Variants in ARAP2 observed in about 807,000 individuals in gnomAD.
ARAP2 encodes the protein ArfGAP with RhoGAP domain, ankyrin repeat and PH domain 2, also known as arf-GAP with Rho-GAP domain, ANK repeat and PH domain-containing protein 2.
In ARAP2, 148 loss-of-function variants were observed where a neutral mutation model predicts 194.5. The observed-to-expected ratio is 0.76, with a 90% CI of 0.67 to 0.87. ARAP2 has a LOEUF of 0.87. ARAP2 is among the 40% of genes least tolerant of loss of function. The pLI, the probability that ARAP2 is intolerant of heterozygous loss-of-function variation, is 0.00. For synonymous variants in ARAP2, 695 were observed against 683.5 expected (o/e 1.02, Z -0.26); for missense variants, 2,128 against 1,989.7 (o/e 1.07, Z -1.32).
chr4:36,184,362 T>TA (rs1169458695), intron 8 of ARAP2, among the ~76,000 whole-genome samples: 1 of 152,144 alleles, frequency 6.6e-6, no homozygotes, highest in Admixed American at 6.5e-5. Flanking sequence ...AAAGAACTTT[T>TA]AATCAAAATA....
At chr4:36,100,167 A>C (rs974309350) in intron 27 of ARAP2, among the ~76,000 whole-genome samples, 2 of 152,084 alleles carry the variant, frequency 1.3e-5, no homozygotes, top group African/African-American at 4.8e-5. Context: ...TCCATTTGTA[A>C]GTAGCAGTAA....
intron 27 of ARAP2, among the ~76,000 whole-genome samples, chr4:36,107,031 T>C (rs1718599669): frequency 1.3e-5 from 2 of 152,022 alleles, no homozygotes; most frequent in Non-Finnish European, 2.9e-5. Flanking sequence ...TATAGTTCAC[T>C]GTGCTAGCTA....
rs761729402 is a variant in ARAP2, at chr4:36,147,338, T to G, written c.3221A>C (p.Asn1074Thr). 6.2e-7 allele frequency: 1 copy of G among 1,612,920 alleles called. No individual in the cohort carries two copies. The highest frequency in any genetic ancestry group is 1.7e-5 in the Admixed American group (1 of 59,942). The stretch of plus-strand genomic sequence containing the variant: ...GAGTAAAACATCCAGTTTTTCCCCA[T>G]TTTGAACCATTGTGCTGATTGCTGA... Reference protein sequence around the residue: ...QELTISTMVQNGEKLDVLLLV... With the variant: ...QELTISTMVQTGEKLDVLLLV... Residue 1074 changes from asparagine (N) to threonine (T), a missense_variant, in exon 19 of 33, where the codon AAT becomes ACT. By Grantham distance (65) the Asn-to-Thr change is moderately conservative. Transcript: ENST00000303965.
chr4:36,119,626 A>G, intron 24 of ARAP2, 24 bp downstream of exon 24: 1 of 1,501,438 alleles, frequency 6.7e-7, no homozygotes, highest in Non-Finnish European at 9.2e-7. Flanking sequence ...TTAATTATTT[A>G]GAGATCTAAC....
At chr4:36,020,041 A>T (rs1716634229) in intron 5 of ARAP2, among the ~76,000 whole-genome samples, 1 of 152,210 alleles carries the variant, frequency 6.6e-6, no homozygotes, top group African/African-American at 2.4e-5. Context: ...ATATGCCAGC[A>T]TCACTATTCT....
intron 2 of ARAP2, among the ~76,000 whole-genome samples, chr4:36,221,321 T>C (rs1424647220): frequency 6.6e-6 from 1 of 152,038 alleles, no homozygotes; most frequent in Non-Finnish European, 1.5e-5. Flanking sequence ...TGCATGTGTA[T>C]ACACACACAC....
At chr4:36,138,385 A>G (rs1003463104) in intron 19 of ARAP2, among the ~76,000 whole-genome samples, 1 of 151,648 alleles carries the variant, frequency 6.6e-6, no homozygotes, top group Non-Finnish European at 1.5e-5. Flanking sequence ...CCCACCCACA[A>G]TCTTAGGCAA....
intron 4 of ARAP2, chr4:36,046,591 A>G (rs2109240125): frequency 6.6e-6 from 1 of 152,316 alleles, no homozygotes; most frequent in South Asian, 2.1e-4. Flanking sequence ...CACAGAAAGA[A>G]TCTATTTTGA....
rs751573912 is a variant in ARAP2, at chr4:36,229,100, G to A, written c.387C>T (p.Asp129=). The A allele has an allele frequency of 9.9e-6, 16 of 1,614,002 alleles. No homozygotes were observed. The highest frequency in any genetic ancestry group is 1.7e-4 in the Middle Eastern group (1 of 6,060). ...QLETVRKNLE[D]SDASVERSQY... ...GGCTTCTTTCCACACTTGCATCACT[G>A]TCTTCAAGATTTTTTCTAACAGTCT... The change falls in exon 2 of 33, where the codon GAC becomes GAT. Residue 129 remains aspartate, a synonymous_variant. Transcript: ENST00000303965.
intron 19 of ARAP2, among the ~76,000 whole-genome samples, chr4:36,142,283 ACT>A (rs1282312491): frequency 3.3e-5 from 5 of 151,416 alleles, no homozygotes; most frequent in Non-Finnish European, 5.9e-5. Flanking sequence ...TCTTGTTTGT[ACT>A]CTCTCTTAGA....
At chr4:36,162,114 A>T (rs954780372) in intron 11 of ARAP2, among the ~76,000 whole-genome samples, 6 of 140,046 alleles carry the variant, frequency 4.3e-5, no homozygotes, top group African/African-American at 8.2e-5. Context: ...TCTCAAAAAA[A>T]AAAAAAAAGA....
chr4:36,073,276 T>C (rs1289395613), intron 32 of ARAP2, among the ~76,000 whole-genome samples: 1 of 152,120 alleles, frequency 6.6e-6, no homozygotes, highest in Admixed American at 6.6e-5. Context: ...AGAGACCCCA[T>C]CAGTTCCCAA....
chr4:36,123,981 T>C (rs913605928), intron 22 of ARAP2, among the ~76,000 whole-genome samples: 1 of 151,852 alleles, frequency 6.6e-6, no homozygotes, highest in African/African-American at 2.4e-5. Flanking sequence ...GCTAAAATTC[T>C]CTATATTAAA....
chr4:36,116,129 C>T (rs1039704269), intron 25 of ARAP2, among the ~76,000 whole-genome samples: 1 of 151,804 alleles, frequency 6.6e-6, no homozygotes, highest in Non-Finnish European at 1.5e-5. Context: ...AAGGCAAATG[C>T]CTCATAAAGA....
intron 6 of ARAP2, among the ~76,000 whole-genome samples, chr4:36,201,689 A>T (rs1744395331): frequency 6.6e-6 from 1 of 152,150 alleles, no homozygotes; most frequent in Admixed American, 6.5e-5. Context: ...GTTTCTTAAA[A>T]ATTATTTTTT....
chr4:36,218,239 T>C (rs1204361994), intron 2 of ARAP2, among the ~76,000 whole-genome samples: 3 of 152,162 alleles, frequency 2.0e-5, no homozygotes, highest in Non-Finnish European at 2.9e-5. Flanking sequence ...ATAGCACATG[T>C]TCTTCCTTGT....
At chr4:36,147,082 A>G (rs1729800888) in intron 19 of ARAP2, among the ~76,000 whole-genome samples, 1 of 152,072 alleles carries the variant, frequency 6.6e-6, no homozygotes, top group Non-Finnish European at 1.5e-5. Flanking sequence ...ATTGATCACA[A>G]TAAGTTTGTC....
At chr4:36,184,928 ACTGTGGACAGTTTTCTGAATTTC>A in intron 8 of ARAP2, among the ~76,000 whole-genome samples, 1 of 152,220 alleles carries the variant, frequency 6.6e-6, no homozygotes, top group Non-Finnish European at 1.5e-5. Flanking sequence ...AAGTATCACA[ACTGTGGACAGTTTTCTGAATTTC>A]AGGCAATAAT....
At chr4:36,191,436 G>C (rs537271011) in intron 7 of ARAP2, among the ~76,000 whole-genome samples, 1 of 151,654 alleles carries the variant, frequency 6.6e-6, no homozygotes, top group South Asian at 2.1e-4. Flanking sequence ...TAATTCCCCA[G>C]AGGTGATCAA....
Sources: gnomAD v4.1 joint callset for allele counts (sites outside exome capture counted in the v4.1 genomes callset) on GRCh38, gnomAD v4.1.1 for gene constraint, MANE v1.5 for transcripts, NCBI Gene and HGNC (gene_info 2026-07-23, HGNC 2026-07-21) for gene names.